The following SMIM3 variants were observed in gnomAD, a reference collection of about 807,000 sequenced individuals.
SMIM3 encodes the protein small integral membrane protein 3.
Under a neutral mutation model 2.1 loss-of-function variants are expected in SMIM3, and 4 were observed. The observed-to-expected ratio is 1.89, with a 90% CI of 0.93 to 4.31. The LOEUF is 4.31. SMIM3 is among the 30% of genes most tolerant of loss of function. The pLI is 0.01. For synonymous variants in SMIM3, 29 were observed against 30.8 expected (o/e 0.94, Z 0.19); for missense variants, 79 against 77.7 (o/e 1.02, Z -0.06).
chr5:150,790,255 A>G (rs1054670829), intron 1 of SMIM3, among the ~76,000 whole-genome samples: 1 of 152,158 alleles, frequency 6.6e-6, no homozygotes, highest in Non-Finnish European at 1.5e-5. Context: ...GGCTTTGCTT[A>G]TGAAAATCAG....
chr5:150,794,799 G>A (rs1048861092), intron 1 of SMIM3, among the ~76,000 whole-genome samples: 3 of 152,142 alleles, frequency 2.0e-5, no homozygotes, highest in Non-Finnish European at 2.9e-5. Flanking sequence ...CATTTATTAA[G>A]TAGTTAGGCT....
intron 1 of SMIM3, among the ~76,000 whole-genome samples, chr5:150,788,620 C>T (rs952918631): frequency 2.2e-5 from 3 of 134,604 alleles, no homozygotes; most frequent in Non-Finnish European, 4.6e-5. Flanking sequence ...GGCAACTGAG[C>T]GAGACTGTGT....
chr5:150,782,430 A>T (rs1753245168), intron 1 of SMIM3, among the ~76,000 whole-genome samples: 1 of 152,172 alleles, frequency 6.6e-6, no homozygotes, highest in South Asian at 2.1e-4. Context: ...ATCTTGGGCA[A>T]CATCACTGCT....
intron 1 of SMIM3, among the ~76,000 whole-genome samples, chr5:150,782,514 A>G (rs372631336): frequency 2.0e-5 from 3 of 152,136 alleles, no homozygotes; most frequent in African/African-American, 7.2e-5. Context: ...CTCGAATTTG[A>G]GCTTATCGGC....
chr5:150,790,072 C>T (rs560024789), intron 1 of SMIM3, among the ~76,000 whole-genome samples: 8 of 152,232 alleles, frequency 5.3e-5, no homozygotes, highest in South Asian at 4.1e-4. Flanking sequence ...GGCAGCGACA[C>T]GATCAGATCT....
Position 150,778,939 on chromosome 5 carries a change from C to A in SMIM3, c.-45C>A, listed in dbSNP as rs1249691409. 1.9e-6 allele frequency: 1 copy of A among 516,520 alleles called. No individual in the cohort carries two copies. The highest frequency in any genetic ancestry group is 2.0e-5 in the Admixed American group (1 of 49,586). The allele number at this position is 516,520 out of a possible 1,614,324, so 32.0% of individuals were successfully genotyped here. Reference sequence around the variant, plus strand: ...TGAGAAGCACCGAGCCATCCCTGACCCAGGAACTTTCCGCAGACTCGCCGC... The same window carrying A: ...TGAGAAGCACCGAGCCATCCCTGACACAGGAACTTTCCGCAGACTCGCCGC... On this transcript the variant is annotated 5_prime_UTR_variant, in exon 1 of 2. Coordinates refer to ENST00000526627, the MANE Select transcript of SMIM3 (RefSeq NM_032947.5).
At chr5:150,782,678 A>G (rs1174689851) in intron 1 of SMIM3, among the ~76,000 whole-genome samples, 1 of 152,184 alleles carries the variant, frequency 6.6e-6, no homozygotes, top group Non-Finnish European at 1.5e-5. Context: ...AAATCAGAGG[A>G]CATCATGTTA....
chr5:150,793,630 C>T (rs1483652294), intron 1 of SMIM3, among the ~76,000 whole-genome samples: 1 of 152,032 alleles, frequency 6.6e-6, no homozygotes, highest in Non-Finnish European at 1.5e-5. Flanking sequence ...TGTAGCAGAA[C>T]GAAACTGGAT....
At chr5:150,788,140 T>G (rs1263801966) in intron 1 of SMIM3, among the ~76,000 whole-genome samples, 4 of 152,204 alleles carry the variant, frequency 2.6e-5, no homozygotes, top group African/African-American at 7.2e-5. Flanking sequence ...ATTTATGAAA[T>G]TTATATAATT....
rs550957891 is a variant in SMIM3, at chr5:150,785,821, G to T, written c.-12+6849G>T. ...TGGTCTCAAACTCCTGACCTCAAAT[G>T]ATCTGCCCACCTCAGCCTCCCAAAG... is the stretch of plus-strand genomic sequence containing the variant. On this transcript the variant is annotated intron_variant, in intron 1 of 1. Coordinates refer to ENST00000526627, the MANE Select transcript of SMIM3 (RefSeq NM_032947.5). Among the ~76,000 whole-genome samples the T allele has an allele frequency of 2.0e-5, 3 of 152,110 alleles. No individual in the cohort carries two copies. In the South Asian group the frequency reaches 6.2e-4, roughly 32 times the overall value.
chr5:150,789,710 A>G (rs1323537982), intron 1 of SMIM3, among the ~76,000 whole-genome samples: 1 of 152,212 alleles, frequency 6.6e-6, no homozygotes, highest in Admixed American at 6.5e-5. Context: ...CAATTTTTTC[A>G]GTTAGAAGAA....
At chr5:150,795,136 TG>T (rs1753389161) in intron 1 of SMIM3, among the ~76,000 whole-genome samples, 2 of 152,160 alleles carry the variant, frequency 1.3e-5, no homozygotes, top group African/African-American at 4.8e-5. Flanking sequence ...ATCTGTAAAA[TG>T]GGTGTAACAG....
intron 1 of SMIM3, among the ~76,000 whole-genome samples, chr5:150,788,735 AC>A (rs1753318881): frequency 6.6e-6 from 1 of 151,982 alleles, no homozygotes; most frequent in Admixed American, 6.6e-5. Context: ...GTTAGTGGAC[AC>A]AAAATAGTCA....
At chr5:150,779,829 A>ACCCCC (rs5872180) in intron 1 of SMIM3, among the ~76,000 whole-genome samples, 220 of 111,040 alleles carry the variant, frequency 2.0e-3, no homozygotes, top group Non-Finnish European at 2.6e-3. Flanking sequence ...GAAAGGTGTA[A>ACCCCC]CCCCCCCCGC....
At chr5:150,792,388 G>A (rs773133526) in intron 1 of SMIM3, among the ~76,000 whole-genome samples, 1 of 152,182 alleles carries the variant, frequency 6.6e-6, no homozygotes, top group Non-Finnish European at 1.5e-5. Flanking sequence ...GGAGGGGAGT[G>A]CTGCAGGATG....
At chr5:150,789,680 C>G (rs981030041) in intron 1 of SMIM3, among the ~76,000 whole-genome samples, 1 of 152,188 alleles carries the variant, frequency 6.6e-6, no homozygotes, top group Non-Finnish European at 1.5e-5. Context: ...TGCCAAAGGA[C>G]AGCTGGGAAA....
chr5:150,779,829 A>ATGGGGGGGC, intron 1 of SMIM3, among the ~76,000 whole-genome samples: 1 of 111,120 alleles, frequency 9.0e-6, no homozygotes, highest in Non-Finnish European at 1.9e-5. Flanking sequence ...GAAAGGTGTA[A>ATGGGGGGGC]CCCCCCCCGC....
rs575893740 is a variant in SMIM3, at chr5:150,780,741, AC to A, written c.-12+1770del. On this transcript the variant is annotated intron_variant, in intron 1 of 1. Coordinates refer to ENST00000526627, the MANE Select transcript of SMIM3 (RefSeq NM_032947.5). Reference sequence around the variant, plus strand: ...TCTCAGCCATACGCCAATCCTTTAAACGTTGTGCCTCCATTTCTTCTCTATG... The same window carrying A: ...TCTCAGCCATACGCCAATCCTTTAAAGTTGTGCCTCCATTTCTTCTCTATG... Among the ~76,000 whole-genome samples, 92 of 152,244 alleles carry A rather than the reference AC, an allele frequency of 6.0e-4. 1 individual carries two copies. The highest frequency in any genetic ancestry group is 2.1e-3 in the African/African-American group (87 of 41,538).
intron 1 of SMIM3, among the ~76,000 whole-genome samples, chr5:150,779,615 A>C (rs1753210753): frequency 6.6e-6 from 1 of 152,174 alleles, no homozygotes; most frequent in South Asian, 2.1e-4. Flanking sequence ...GGCTTCCTTC[A>C]AGCTCCCTCC....
Sources: allele counts gnomAD v4.1 joint callset (sites outside exome capture counted in the v4.1 genomes callset), GRCh38; gene constraint gnomAD v4.1.1; transcripts MANE v1.5; gene names NCBI Gene and HGNC (gene_info 2026-07-23, HGNC 2026-07-21).